Variants in SLC15A5 observed in about 807,000 individuals in gnomAD.
The protein encoded by SLC15A5 is Peptide/histidine transporter ENSP00000340402.
Under a neutral mutation model 56.1 loss-of-function variants are expected in SLC15A5, and 58 were observed. The ratio of observed to expected loss-of-function variants is 1.03; its 90% CI spans 0.84 to 1.29. The LOEUF is 1.29. Ranked by LOEUF, SLC15A5 falls within the 50% of genes most tolerant of loss-of-function variation. The pLI is 0.00. For missense variants in SLC15A5, 681 were observed against 672.1 expected (o/e 1.01, Z -0.15); for synonymous variants, 264 against 250.5 (o/e 1.05, Z -0.51).
chr12:16,236,664 A>G (rs1864354783), intron 5 of SLC15A5, among the ~76,000 whole-genome samples: 1 of 152,210 alleles, frequency 6.6e-6, no homozygotes, highest in Admixed American at 6.5e-5. Context: ...CATGTAAAAC[A>G]TTAGGCATTG....
intron 8 of SLC15A5, among the ~76,000 whole-genome samples, chr12:16,190,581 A>G (rs1320764548): frequency 1.3e-5 from 2 of 152,208 alleles, no homozygotes; most frequent in East Asian, 1.9e-4. Flanking sequence ...TAGATGTTCA[A>G]TAAATATTTG....
intron 5 of SLC15A5, among the ~76,000 whole-genome samples, 181 bp downstream of exon 5, chr12:16,239,500 A>G (rs926926945): frequency 2.6e-5 from 4 of 152,200 alleles, no homozygotes; most frequent in Non-Finnish European, 5.9e-5. Flanking sequence ...TAGGAAGAAG[A>G]TGGGACACAT....
chr12:16,277,359 T>G lies in SLC15A5; in HGVS notation c.327A>C (p.Lys109Asn). 1.3e-6 allele frequency: 2 copies of G among 1,534,374 alleles called. No homozygotes were observed. Among genetic ancestry groups the G allele is most frequent in the Non-Finnish European group, 1.7e-6 (2 of 1,145,120 alleles). ...GTAGAAACAAGCAAATGTACACCAG[T>G]TTGTTTCTTCCTAAATAGACATCAG... is the stretch of plus-strand genomic sequence containing the variant. Reference protein sequence around the residue: ...WLTDVYLGRNKLVYICLFLHF... With the variant: ...WLTDVYLGRNNLVYICLFLHF... The change falls in exon 1 of 9, where the codon AAA becomes AAC. Residue 109 changes from lysine (K) to asparagine (N), a missense_variant. Physicochemically the swap from Lys to Asn is moderately conservative, Grantham distance 94. Transcript: ENST00000344941.
intron 2 of SLC15A5, among the ~76,000 whole-genome samples, chr12:16,260,405 TA>T (rs1165976829): frequency 1.3e-5 from 2 of 152,174 alleles, no homozygotes; most frequent in Admixed American, 6.5e-5. Context: ...TTTGTTGTGT[TA>T]AGTTCGGGTT....
intron 7 of SLC15A5, among the ~76,000 whole-genome samples, chr12:16,213,663 A>G (rs1474444206): frequency 1.3e-5 from 2 of 152,194 alleles, no homozygotes; most frequent in Admixed American, 1.3e-4. Flanking sequence ...TTATAATTTG[A>G]TATAACACAA....
At position 16,199,170 on chromosome 12, in the gene SLC15A5, C is replaced by T. The variant is rs747086674; in HGVS notation, c.1484-4717G>A. On this transcript the variant is annotated intron_variant, in intron 7 of 8. Transcript: ENST00000344941. ...CTTTGTTACTACAAAGCCTGCCCCC[C>T]ACAGACCCTGCTTGTTCACTGTATG... 2.0e-4 allele frequency among the ~76,000 whole-genome samples: 30 copies of T among 152,012 alleles called. 1 individual carries two copies. Among genetic ancestry groups the T allele is most frequent in the Non-Finnish European group, 4.4e-5 (3 of 68,016 alleles).
At chr12:16,239,241 C>CACTT (rs34249235) in intron 5 of SLC15A5, among the ~76,000 whole-genome samples, 69,823 of 151,704 alleles carry the variant, frequency 0.46, 16,241 homozygotes, top group South Asian at 0.63. Context: ...TCCTAAATTG[C>CACTT]ACTATTTGAT....
At chr12:16,262,304 T>TTCATTCCTC (rs200360801) in intron 2 of SLC15A5, among the ~76,000 whole-genome samples, 12 of 152,194 alleles carry the variant, frequency 7.9e-5, no homozygotes, top group African/African-American at 2.9e-4. Context: ...GAAATTACCT[T>TTCATTCCTC]TCATTCCTCT....
chr12:16,195,947 G>A (rs1318646130), intron 7 of SLC15A5, among the ~76,000 whole-genome samples: 4 of 151,978 alleles, frequency 2.6e-5, no homozygotes, highest in Non-Finnish European at 5.9e-5. Flanking sequence ...CTGAAAGCTA[G>A]CCTAAATAAA....
At chr12:16,201,962 A>G (rs1279618160) in intron 7 of SLC15A5, among the ~76,000 whole-genome samples, 1 of 152,168 alleles carries the variant, frequency 6.6e-6, no homozygotes, top group Non-Finnish European at 1.5e-5. Context: ...AATAAACTCC[A>G]AATAGATTAA....
chr12:16,270,365 T>C (rs1235646389), intron 2 of SLC15A5, among the ~76,000 whole-genome samples: 1 of 152,172 alleles, frequency 6.6e-6, no homozygotes, highest in Non-Finnish European at 1.5e-5. Context: ...GGTATGTTGT[T>C]TTTTAAAGGC....
chr12:16,210,287 C>T (rs1017760573), intron 7 of SLC15A5, among the ~76,000 whole-genome samples: 27 of 152,118 alleles, frequency 1.8e-4, no homozygotes, highest in African/African-American at 5.8e-4. Context: ...ATTTGCCATG[C>T]GTAGGAGGCT....
At chr12:16,259,214 T>A (rs1405976303) in intron 2 of SLC15A5, among the ~76,000 whole-genome samples, 1 of 151,650 alleles carries the variant, frequency 6.6e-6, no homozygotes, top group Admixed American at 6.6e-5. Context: ...TTTTTTTATT[T>A]TTAGTAGAGA....
Position 16,277,633 on chromosome 12 carries a change from C to T in SLC15A5, c.53G>A (p.Ser18Asn), listed in dbSNP as rs1025096957. 37 of 1,536,042 alleles carry T rather than the reference C, an allele frequency of 2.4e-5. No homozygotes were observed. In the Admixed American group the frequency reaches 6.7e-4, roughly 28 times the overall value. The change falls in exon 1 of 9, where the codon AGC becomes AAC. Residue 18 changes from serine (S) to asparagine (N), a missense_variant. Physicochemically the swap from Ser to Asn is conservative, Grantham distance 46. Coordinates refer to ENST00000344941, the MANE Select transcript of SLC15A5 (RefSeq NM_001170798.1). ...TCTTACAGTTTTCTCCTTCTCAATG[C>T]TGTGATATAAGTGTACTTTCTCATC... ...ITDEKVHLYH[S>N]IEKEKTVRHI...
intron 7 of SLC15A5, among the ~76,000 whole-genome samples, chr12:16,215,423 G>A (rs75138514): frequency 1.3e-5 from 2 of 152,010 alleles, no homozygotes; most frequent in African/African-American, 4.8e-5. Context: ...GTAAATTTTT[G>A]GAAATATCTT....
rs6488833 is a variant in SLC15A5 at position 16,237,650 on chromosome 12, T to G, written c.1162+2031A>C. ...AAAGAAAGTTGCTTAACTTTAAAGT[T>G]AATTTAAGATTTCTTATTCTCAGGA... On this transcript the variant is annotated intron_variant, in intron 5 of 8. Coordinates refer to ENST00000344941, the MANE Select transcript of SLC15A5 (RefSeq NM_001170798.1). This position sits in a 1 kb window ranked among gnomAD's most constrained non-coding sequence, Gnocchi z 4.1. Among the ~76,000 whole-genome samples, 67,996 of 151,972 alleles carry G rather than the reference T, an allele frequency of 0.45. 15,402 individuals are homozygous for G. The highest frequency in any genetic ancestry group is 0.63 in the South Asian group (3,059 of 4,818).
intron 2 of SLC15A5, among the ~76,000 whole-genome samples, chr12:16,263,948 G>A (rs1031979070): frequency 6.6e-6 from 1 of 152,212 alleles, no homozygotes; most frequent in African/African-American, 2.4e-5. Context: ...GAGCCCTCTT[G>A]GACAACCTCT....
intron 8 of SLC15A5, among the ~76,000 whole-genome samples, chr12:16,192,324 T>A (rs190995882): frequency 3.9e-5 from 6 of 152,214 alleles, no homozygotes; most frequent in Admixed American, 2.0e-4. Flanking sequence ...GAAGAGAAAG[T>A]AGATAGGAGA....
At chr12:16,193,447 T>A (rs550338096) in intron 8 of SLC15A5, among the ~76,000 whole-genome samples, 1 of 152,134 alleles carries the variant, frequency 6.6e-6, no homozygotes, top group Admixed American at 6.6e-5. Context: ...GACTTTGACA[T>A]CTTTCTGGTT....
Sources: allele counts gnomAD v4.1 joint callset (sites outside exome capture counted in the v4.1 genomes callset), GRCh38; gene constraint gnomAD v4.1.1; non-coding constraint Gnocchi (gnomAD v3.1); transcripts MANE v1.5; gene names NCBI Gene and HGNC (gene_info 2026-07-23, HGNC 2026-07-21).